CCDC73: variants seen among roughly 807,000 people sequenced by gnomAD.
CCDC73 encodes coiled-coil domain containing 73, also known as coiled-coil domain-containing protein 73.
Under a neutral mutation model 116.5 loss-of-function variants are expected in CCDC73, and 95 were observed. That is an observed-to-expected ratio of 0.82 (90% CI 0.69 to 0.97). The LOEUF (loss-of-function observed/expected upper bound fraction) is 0.97, where lower values mean the gene tolerates loss of function less well. Ranked by LOEUF, CCDC73 falls within the 50% of genes least tolerant of loss-of-function variation. The pLI, the probability that CCDC73 is intolerant of heterozygous loss-of-function variation, is 0.00. For synonymous variants in CCDC73, 398 were observed against 401.3 expected, an observed-to-expected ratio of 0.99 and a Z score of 0.10; for missense variants, 1,066 against 1,206.8, an observed-to-expected ratio of 0.88 and a Z score of 1.73.
chr11:32,773,159 G>C (rs1482533550), intron 1 of CCDC73, among the ~76,000 whole-genome samples: 4 of 152,098 alleles, frequency 2.6e-5, no homozygotes, highest in Non-Finnish European at 5.9e-5. Context: ...CTAAATGAAA[G>C]AAGTCAATCA....
the CCDC73 span, among the ~76,000 whole-genome samples, chr11:32,828,765 C>T: frequency 2.0e-5 from 3 of 152,152 alleles, no homozygotes; most frequent in African/African-American, 4.8e-5. Context: ...CCCCAAAGAG[C>T]TTTCACTTAT....
At chr11:32,681,781 C>T (rs1856148104) in intron 7 of CCDC73, 1 of 151,690 alleles carries the variant, frequency 6.6e-6, no homozygotes, top group Non-Finnish European at 1.5e-5. Flanking sequence ...CTATACCGCA[C>T]TTTGAATAAA....
the CCDC73 span, among the ~76,000 whole-genome samples, chr11:32,823,071 C>T: frequency 6.6e-6 from 1 of 151,766 alleles, no homozygotes; most frequent in South Asian, 2.1e-4. Flanking sequence ...ATTTTTAGCC[C>T]AGCCTGTCCA....
chr11:32,650,031 G>A (rs1182168007), intron 12 of CCDC73, among the ~76,000 whole-genome samples: 1 of 152,240 alleles, frequency 6.6e-6, no homozygotes, highest in South Asian at 2.1e-4. Context: ...ATTATCTAAT[G>A]ATTGGTAGTC....
At chr11:32,779,613 GA>G (rs1233799336) in intron 1 of CCDC73, among the ~76,000 whole-genome samples, 8 of 152,164 alleles carry the variant, frequency 5.3e-5, no homozygotes, top group African/African-American at 1.9e-4. Flanking sequence ...TTTGTGTCCT[GA>G]CAAGAGTCCT....
chr11:32,738,910 G>T (rs142734601), intron 2 of CCDC73, among the ~76,000 whole-genome samples: 1 of 151,984 alleles, frequency 6.6e-6, no homozygotes, highest in Non-Finnish European at 1.5e-5. Flanking sequence ...TCATTCTTCC[G>T]CACATGTATA....
At chr11:32,626,116 G>A (rs371419584) in intron 14 of CCDC73, among the ~76,000 whole-genome samples, 4,475 of 151,550 alleles carry the variant, frequency 0.03, 84 homozygotes, top group Non-Finnish European at 0.039. Context: ...TAAGCTGATA[G>A]GCAACTTCAG....
chr11:32,687,006 TG>T (rs1856207907), intron 6 of CCDC73, among the ~76,000 whole-genome samples: 1 of 152,230 alleles, frequency 6.6e-6, no homozygotes, highest in African/African-American at 2.4e-5. Context: ...CTTCACTTTA[TG>T]GAAAATTATA....
the CCDC73 span, chr11:32,830,559 A>G: frequency 1.2e-6 from 2 of 1,603,934 alleles, no homozygotes; most frequent in South Asian, 1.1e-5. Flanking sequence ...TACTCAGCCA[A>G]CTGCCCACAG....
intron 1 of CCDC73, among the ~76,000 whole-genome samples, chr11:32,778,848 T>G (rs956537641): frequency 1.3e-5 from 2 of 151,888 alleles, no homozygotes; most frequent in South Asian, 2.1e-4. Context: ...CCCAAAAATA[T>G]GCAAATATTC....
At chr11:32,814,870 A>G in the CCDC73 span, among the ~76,000 whole-genome samples, 4 of 152,352 alleles carry the variant, frequency 2.6e-5, no homozygotes, top group Non-Finnish European at 5.9e-5. Flanking sequence ...GTACCGATGC[A>G]TGCTACAGTG....
At chr11:32,652,631 T>C (rs901466897) in intron 12 of CCDC73, among the ~76,000 whole-genome samples, 6 of 152,176 alleles carry the variant, frequency 3.9e-5, no homozygotes, top group African/African-American at 1.2e-4. Flanking sequence ...GCCAACAATG[T>C]CTTCTCCTTC....
intron 17 of CCDC73, among the ~76,000 whole-genome samples, chr11:32,607,589 C>G (rs1855371703): frequency 6.6e-6 from 1 of 152,036 alleles, no homozygotes; most frequent in African/African-American, 2.4e-5. Flanking sequence ...GCTTTGATGC[C>G]CTCAAGCTTC....
At chr11:32,607,018 G>A (rs1224540500) in intron 17 of CCDC73, among the ~76,000 whole-genome samples, 4 of 146,648 alleles carry the variant, frequency 2.7e-5, no homozygotes, top group Admixed American at 6.9e-5. Flanking sequence ...CTTGTGATCC[G>A]CCCACCTTGG....
chr11:32,647,368 A>G (rs921209804), intron 12 of CCDC73, among the ~76,000 whole-genome samples: 1 of 152,200 alleles, frequency 6.6e-6, no homozygotes. Flanking sequence ...TCTTGAGGAC[A>G]GCACCAAGCC....
intron 1 of CCDC73, among the ~76,000 whole-genome samples, chr11:32,764,436 A>G (rs1018116194): frequency 4.6e-5 from 7 of 152,238 alleles, no homozygotes; most frequent in African/African-American, 1.2e-4. Context: ...TCCACAAGCC[A>G]TAAGAGACTG....
intron 1 of CCDC73, among the ~76,000 whole-genome samples, chr11:32,782,630 G>C (rs912780773): frequency 1.3e-5 from 2 of 152,138 alleles, no homozygotes; most frequent in African/African-American, 4.8e-5. Flanking sequence ...AATTTTAAAA[G>C]CCAATTCAGA....
chr11:32,744,567 T>G (rs749812218), intron 2 of CCDC73, among the ~76,000 whole-genome samples: 1 of 152,254 alleles, frequency 6.6e-6, no homozygotes, highest in Non-Finnish European at 1.5e-5. Context: ...AGTCCATTAA[T>G]TATTGCCTTA....
the CCDC73 span, among the ~76,000 whole-genome samples, chr11:32,820,189 G>C: frequency 5.3e-5 from 8 of 152,088 alleles, no homozygotes; most frequent in Non-Finnish European, 8.8e-5. Context: ...AGCTCTCTCT[G>C]TCACTCAGAC....
Sources: allele counts gnomAD v4.1 joint callset (sites outside exome capture counted in the v4.1 genomes callset), GRCh38; gene constraint gnomAD v4.1.1; transcripts MANE v1.5; gene names NCBI Gene and HGNC (gene_info 2026-07-23, HGNC 2026-07-21).